The following KCNH1 variants were observed in gnomAD, a reference collection of about 807,000 sequenced individuals.
The protein encoded by KCNH1 is voltage-gated delayed rectifier potassium channel KCNH1.
KCNH1 carries 27 observed loss-of-function variants against 69.2 expected under a neutral mutation model. That is an observed-to-expected ratio of 0.39 (90% CI 0.29 to 0.54). The LOEUF (loss-of-function observed/expected upper bound fraction) is 0.54. Among genes scored for constraint, KCNH1 ranks in the 20% least tolerant of loss-of-function variants. The pLI is 0.68. For synonymous variants in KCNH1, 456 were observed against 487.7 expected, an observed-to-expected ratio of 0.93 and a Z score of 0.86; for missense variants, 798 against 1,261.6, an observed-to-expected ratio of 0.63 and a Z score of 5.57.
At chr1:210,795,343 T>C (rs1207957826) in intron 9 of KCNH1, among the ~76,000 whole-genome samples, 2 of 152,110 alleles carry the variant, frequency 1.3e-5, no homozygotes, top group African/African-American at 4.8e-5. Context: ...CACAGGGTTT[T>C]GCCATGTTGC....
intron 9 of KCNH1, among the ~76,000 whole-genome samples, chr1:210,785,769 C>G (rs1684088057): frequency 6.6e-6 from 1 of 152,142 alleles, no homozygotes; most frequent in Non-Finnish European, 1.5e-5. Context: ...AGAACAAACT[C>G]ATGTGTAGAC....
In KCNH1 at chr1:210,968,320, A is replaced by G. The variant is rs1438034453; in HGVS notation, c.1033-48251T>C. Among the ~76,000 whole-genome samples, 7 of 136,444 alleles carry G rather than the reference A, an allele frequency of 5.1e-5. No homozygotes were observed. In the East Asian group the frequency reaches 1.3e-3, roughly 25 times the overall value. 89.5% of individuals were successfully genotyped at this position (136,444 alleles called of 152,430 possible). A position where few individuals can be genotyped will look rare whatever the true frequency, so the allele number is the denominator to read the frequency against. The stretch of plus-strand genomic sequence containing the variant: ...CTTTGCTATTGTGAATAATGCCGCA[A>G]TAAACATACGTGTGCATGTGTCTTT... On this transcript the variant is annotated intron_variant, in intron 6 of 10. Coordinates refer to ENST00000271751, the MANE Select transcript of KCNH1 (RefSeq NM_172362.3).
Position 210,968,126 on chromosome 1 carries a change from T to C in KCNH1, c.1033-48057A>G, listed in dbSNP as rs1486861674. Among the ~76,000 whole-genome samples, 3 of 150,766 alleles carry C rather than the reference T, an allele frequency of 2.0e-5. No individual in the cohort carries two copies. The East Asian group carries it at 5.9e-4, about 29-fold the overall frequency. On this transcript the variant is annotated intron_variant, in intron 6 of 10. Coordinates refer to ENST00000271751, the MANE Select transcript of KCNH1 (RefSeq NM_172362.3). Reference sequence around the variant, plus strand: ...AGTGAGAATATGCGGTGTTTGGTTTTTTGTTCTTGCGATAGTTTACTGAGA... The same window carrying C: ...AGTGAGAATATGCGGTGTTTGGTTTCTTGTTCTTGCGATAGTTTACTGAGA...
chr1:211,038,274 T>C (rs1208518643), intron 5 of KCNH1, among the ~76,000 whole-genome samples: 1 of 152,094 alleles, frequency 6.6e-6, no homozygotes, highest in East Asian at 1.9e-4. Flanking sequence ...TCTCCCTCAT[T>C]TTCTCTTGCT....
At chr1:210,998,605 A>G (rs975023998) in intron 6 of KCNH1, among the ~76,000 whole-genome samples, 1 of 152,212 alleles carries the variant, frequency 6.6e-6, no homozygotes, top group Non-Finnish European at 1.5e-5. Context: ...CAGATCAACA[A>G]GACAGAAAGT....
At chr1:211,033,010 C>A (rs1689819629) in intron 5 of KCNH1, among the ~76,000 whole-genome samples, 1 of 152,138 alleles carries the variant, frequency 6.6e-6, no homozygotes, top group Non-Finnish European at 1.5e-5. Flanking sequence ...GCAATCTACT[C>A]ATCTGACAAA....
chr1:210,764,565 G>A (rs1683587000), intron 10 of KCNH1, among the ~76,000 whole-genome samples: 1 of 152,086 alleles, frequency 6.6e-6, no homozygotes, highest in African/African-American at 2.4e-5. Flanking sequence ...GACATGAACA[G>A]ATGCTTCTCA....
chr1:211,030,805 A>G (rs1386877618), intron 5 of KCNH1, among the ~76,000 whole-genome samples: 2 of 152,158 alleles, frequency 1.3e-5, no homozygotes, highest in African/African-American at 4.8e-5. Flanking sequence ...GATGAAATGA[A>G]AATCTATGAC....
chr1:211,038,048 C>T (rs1689929634), intron 5 of KCNH1, among the ~76,000 whole-genome samples: 1 of 151,506 alleles, frequency 6.6e-6, no homozygotes, highest in Admixed American at 6.6e-5. Context: ...CAAGCTCCAC[C>T]TCCCAGGTTC....
intron 7 of KCNH1, among the ~76,000 whole-genome samples, chr1:210,833,095 C>A (rs538939006): frequency 6.6e-6 from 1 of 151,978 alleles, no homozygotes; most frequent in South Asian, 2.1e-4. Context: ...TAAGAGAAGG[C>A]TATTTTCAAG....
intron 5 of KCNH1, among the ~76,000 whole-genome samples, chr1:211,026,198 T>C (rs1434756524): frequency 6.6e-6 from 1 of 151,976 alleles, no homozygotes; most frequent in African/African-American, 2.4e-5. Flanking sequence ...TAAGTGCAAC[T>C]AAAAGCCTTG....
At chr1:210,990,023 C>A (rs1688909678) in intron 6 of KCNH1, among the ~76,000 whole-genome samples, 1 of 152,180 alleles carries the variant, frequency 6.6e-6, no homozygotes, top group African/African-American at 2.4e-5. Flanking sequence ...ATACTCAGCT[C>A]ATCTGATATT....
chr1:210,840,160 T>C (rs934244366), intron 7 of KCNH1, among the ~76,000 whole-genome samples: 2 of 152,200 alleles, frequency 1.3e-5, no homozygotes, highest in African/African-American at 4.8e-5. Flanking sequence ...TTAGGGCATT[T>C]TTCTTTTGGT....
At chr1:210,984,548 C>T (rs1013758490) in intron 6 of KCNH1, among the ~76,000 whole-genome samples, 6 of 152,266 alleles carry the variant, frequency 3.9e-5, no homozygotes, top group South Asian at 2.1e-4. Flanking sequence ...GTTTTTGTCA[C>T]TGGTTCTGTT....
At position 210,681,332 on chromosome 1, in the gene KCNH1, T is replaced by C. The variant is rs922349864; in HGVS notation, c.*1949A>G. ...TAGTTGTGACTCGGCCTTAGGAAATTAGACTTCCTCTTACTTGTATGCCGC... is the reference window on the plus strand; with the variant it reads ...TAGTTGTGACTCGGCCTTAGGAAATCAGACTTCCTCTTACTTGTATGCCGC... On this transcript the variant is annotated 3_prime_UTR_variant, in exon 11 of 11. Transcript: ENST00000271751. The C allele has an allele frequency of 6.6e-6, 1 of 152,228 alleles. No individual in the cohort carries two copies. Among genetic ancestry groups the C allele is most frequent in the African/African-American group, 2.4e-5 (1 of 41,458 alleles). 9.4% of individuals were successfully genotyped at this position (152,228 alleles called of 1,614,324 possible).
intron 6 of KCNH1, among the ~76,000 whole-genome samples, chr1:210,981,339 A>T (rs1688704925): frequency 7.0e-6 from 1 of 142,516 alleles, no homozygotes; most frequent in South Asian, 2.3e-4. Flanking sequence ...GGGGCTCCTC[A>T]GTCCATGAAT....
intron 1 of KCNH1, among the ~76,000 whole-genome samples, chr1:211,114,511 C>T (rs192425437): frequency 1.0e-3 from 153 of 152,264 alleles, no homozygotes; most frequent in African/African-American, 3.3e-3. Context: ...TCTAGAAGTA[C>T]GTCTGCCATA....
intron 6 of KCNH1, among the ~76,000 whole-genome samples, chr1:210,954,560 G>C (rs1038970885): frequency 2.0e-5 from 3 of 152,104 alleles, no homozygotes; most frequent in African/African-American, 7.2e-5. Flanking sequence ...ATCCTCTCCA[G>C]CATCTGTTGT....
At chr1:211,088,375 C>A (rs879765975) in intron 4 of KCNH1, among the ~76,000 whole-genome samples, 6 of 152,338 alleles carry the variant, frequency 3.9e-5, no homozygotes, top group Non-Finnish European at 1.5e-5. Context: ...GCCAGGAGAA[C>A]AATCCAGCCA....
Sources: allele counts gnomAD v4.1 joint callset (sites outside exome capture counted in the v4.1 genomes callset), GRCh38; gene constraint gnomAD v4.1.1; transcripts MANE v1.5; gene names NCBI Gene and HGNC (gene_info 2026-07-23, HGNC 2026-07-21).